PCDHGA6: variants seen among roughly 807,000 people sequenced by gnomAD.
PCDHGA6 encodes protocadherin gamma-A6.
A neutral mutation model predicts 60.6 loss-of-function variants in PCDHGA6; 41 were observed. The ratio of observed to expected loss-of-function variants is 0.68; its 90% CI spans 0.53 to 0.88. PCDHGA6 has a LOEUF of 0.88. Ranked by LOEUF, PCDHGA6 falls within the 40% of genes least tolerant of loss-of-function variation. The pLI, the probability that PCDHGA6 is intolerant of heterozygous loss-of-function variation, is 0.00. For missense variants in PCDHGA6, 1,312 were observed against 1,203.0 expected (o/e 1.09, Z -1.34); for synonymous variants, 594 against 524.4 (o/e 1.13, Z -1.81).
Position 141,374,942 on chromosome 5 carries a change from A to G in PCDHGA6, c.859A>G (p.Lys287Glu), listed in dbSNP as rs758134474. The G allele has an allele frequency of 5.6e-6, 9 of 1,613,926 alleles. No individual in the cohort carries two copies. Among genetic ancestry groups the G allele is most frequent in the Non-Finnish European group, 7.6e-6 (9 of 1,179,910 alleles). The part of the protein sequence containing the change: ...VTYSFVKITE[K>E]ISQIFCLNVL... ...TTATTCCTTTGTGAAGATTACAGAA[A>G]AGATCTCACAAATTTTCTGTTTGAA... Residue 287 changes from lysine (K) to glutamate (E), a missense_variant, in exon 1 of 4, where the codon AAG (lysine) becomes GAG (glutamate). Physicochemically the swap from Lys to Glu is moderately conservative, Grantham distance 56. Coordinates refer to ENST00000517434, the MANE Select transcript of PCDHGA6 (RefSeq NM_018919.3).
chr5:141,442,227 T>G (rs953690152), intron 1 of PCDHGA6: 16 of 153,240 alleles, frequency 1.0e-4, no homozygotes, highest in African/African-American at 3.6e-4. Context: ...TTAATTTCCT[T>G]TTTATTCTTC....
chr5:141,396,274 C>G (rs2093362401), intron 1 of PCDHGA6: 2 of 152,252 alleles, frequency 1.3e-5, no homozygotes, highest in African/African-American at 2.4e-5. Flanking sequence ...GAGCTATGAT[C>G]ATGCCACTGC....
intron 1 of PCDHGA6, among the ~76,000 whole-genome samples, chr5:141,406,273 G>C (rs1366399912): frequency 6.6e-6 from 1 of 151,898 alleles, no homozygotes; most frequent in Non-Finnish European, 1.5e-5. Context: ...TCCTGCTTCA[G>C]TTTCCCAAAG....
chr5:141,385,205 T>A, intron 1 of PCDHGA6: 1 of 1,614,228 alleles, frequency 6.2e-7, no homozygotes, highest in Non-Finnish European at 8.5e-7. Flanking sequence ...AGTCACCTGA[T>A]CTTCCCCCAG....
At chr5:141,394,371 T>C (rs753598001) in intron 1 of PCDHGA6, 5 of 1,614,056 alleles carry the variant, frequency 3.1e-6, no homozygotes, top group Non-Finnish European at 4.2e-6. Context: ...GCTGCAATCT[T>C]TCGACTATGA....
In PCDHGA6 at chr5:141,476,235, A is replaced by G; in HGVS notation, c.2425-18572A>G. ...GTCATTCACTATGAGATCCCGGAGG[A>G]AAGAGAGAAGGGTTTCGCTGTGGGC... is the stretch of plus-strand genomic sequence containing the variant. On this transcript the variant is annotated intron_variant, in intron 1 of 3. Coordinates refer to ENST00000517434, the MANE Select transcript of PCDHGA6 (RefSeq NM_018919.3). The surrounding 1 kb of genome is among the most constrained non-coding windows in gnomAD (Gnocchi z 7.6). 2 of 1,613,844 alleles carry G rather than the reference A, an allele frequency of 1.2e-6. No homozygotes were observed. Among genetic ancestry groups the G allele is most frequent in the Admixed American group, 1.7e-5 (1 of 59,990 alleles).
Position 141,431,335 on chromosome 5 carries a change from C to G in PCDHGA6, c.2424+54828C>G, listed in dbSNP as rs747132346. On this transcript the variant is annotated intron_variant, in intron 1 of 3. Transcript: ENST00000517434. The surrounding 1 kb of genome is among the most constrained non-coding windows in gnomAD (Gnocchi z 4.8). ...ATGGAGCCGACGGTAGTAAGTACCC[C>G]GAATTGGTGCTGAAACGCGCCCTGG... 2 of 1,614,062 alleles carry G rather than the reference C, an allele frequency of 1.2e-6. No homozygotes were observed. Among genetic ancestry groups the G allele is most frequent in the Non-Finnish European group, 1.7e-6 (2 of 1,180,022 alleles).
intron 1 of PCDHGA6, chr5:141,393,148 A>AT: frequency 6.2e-7 from 1 of 1,613,332 alleles, no homozygotes; most frequent in Non-Finnish European, 8.5e-7. Context: ...CTGGTTGAGG[A>AT]TAAAGGAAAA....
At position 141,375,433 on chromosome 5, in the gene PCDHGA6, C is replaced by T; in HGVS notation, c.1350C>T (p.Pro450=). Reference sequence around the variant, plus strand: ...TGGCAGACACCAACGACAACCCGCCCACCTTCCCCCATTCATCCTACTCAG... The same window carrying T: ...TGGCAGACACCAACGACAACCCGCCTACCTTCCCCCATTCATCCTACTCAG... The part of the protein sequence containing the change: ...LNVADTNDNP[P]TFPHSSYSVY... The change falls in exon 1 of 4, where the codon CCC becomes CCT. Residue 450 remains proline (P), a synonymous_variant. Coordinates refer to ENST00000517434, the MANE Select transcript of PCDHGA6 (RefSeq NM_018919.3). 6.2e-7 allele frequency: 1 copy of T among 1,614,016 alleles called. No individual in the cohort carries two copies. Among genetic ancestry groups the T allele is most frequent in the African/African-American group, 1.3e-5 (1 of 75,052 alleles).
intron 3 of PCDHGA6, among the ~76,000 whole-genome samples, chr5:141,510,468 A>G (rs1246106107): frequency 2.0e-5 from 3 of 152,152 alleles, no homozygotes; most frequent in Admixed American, 2.0e-4. Flanking sequence ...TGTGGGAGTC[A>G]GAGGCTCCCT....
intron 1 of PCDHGA6, chr5:141,384,387 C>A (rs774707320): frequency 6.2e-7 from 1 of 1,613,950 alleles, no homozygotes; most frequent in Admixed American, 1.7e-5. Context: ...AAGACACCAT[C>A]CAGGGGGCTC....
At chr5:141,407,958 A>C (rs1018466165) in intron 1 of PCDHGA6, 1 of 660,632 alleles carries the variant, frequency 1.5e-6, no homozygotes, top group African/African-American at 1.8e-5. Context: ...GCCAGTGCAG[A>C]GCAAGCGCTG....
intron 1 of PCDHGA6, chr5:141,393,689 C>G (rs2150535299): frequency 6.2e-7 from 1 of 1,613,890 alleles, no homozygotes; most frequent in Middle Eastern, 1.7e-4. Context: ...CTCCGTTATT[C>G]CAGCTTAATG....
At chr5:141,403,770 T>A in intron 1 of PCDHGA6, 1 of 1,613,894 alleles carries the variant, frequency 6.2e-7, no homozygotes, top group Non-Finnish European at 8.5e-7. Flanking sequence ...GATGAGGGAA[T>A]CAACGGAAAA....
chr5:141,422,074 C>T (rs886758924), intron 1 of PCDHGA6: 8 of 1,612,146 alleles, frequency 5.0e-6, no homozygotes, highest in African/African-American at 4.0e-5. Context: ...GTATTCATTT[C>T]GGAACATGGA....
At chr5:141,492,068 G>A in intron 1 of PCDHGA6, 1 of 479,628 alleles carries the variant, frequency 2.1e-6, no homozygotes, top group Non-Finnish European at 3.7e-6. Flanking sequence ...AGCCTCCTAG[G>A]CGCCGGCTCC....
intron 3 of PCDHGA6, among the ~76,000 whole-genome samples, chr5:141,506,861 G>A (rs2099856791): frequency 6.6e-6 from 1 of 152,178 alleles, no homozygotes; most frequent in African/African-American, 2.4e-5. Context: ...TGGAGGACTG[G>A]TGGGTAGAGA....
Position 141,489,898 on chromosome 5 carries a change from C to T in PCDHGA6, c.2425-4909C>T. On this transcript the variant is annotated intron_variant, in intron 1 of 3. Transcript: ENST00000517434. The surrounding 1 kb of genome is among the most constrained non-coding windows in gnomAD (Gnocchi z 4.5). ...GCTTACTGCTGTGGATGGGGGGACC[C>T]CAGCCCGCTCAGGGACCACCCTTAT... 6.2e-7 allele frequency: 1 copy of T among 1,614,216 alleles called. No homozygotes were observed. Among genetic ancestry groups the T allele is most frequent in the Non-Finnish European group, 8.5e-7 (1 of 1,180,036 alleles).
chr5:141,491,648 T>C lies in PCDHGA6; in HGVS notation c.2425-3159T>C. ...GTTCAGCAGCCCACAGCTCTGGCGC[T>C]GGAGCCTGACGCCATCCGGTCCCGC... On this transcript the variant is annotated intron_variant, in intron 1 of 3. Transcript: ENST00000517434. The surrounding 1 kb of genome is among the most constrained non-coding windows in gnomAD (Gnocchi z 6.9). 2 of 1,613,834 alleles carry C rather than the reference T, an allele frequency of 1.2e-6. No individual in the cohort carries two copies. Among genetic ancestry groups the C allele is most frequent in the South Asian group, 1.1e-5 (1 of 91,082 alleles).
Sources: gnomAD v4.1 joint callset for allele counts (sites outside exome capture counted in the v4.1 genomes callset) on GRCh38, gnomAD v4.1.1 for gene constraint, Gnocchi (gnomAD v3.1) non-coding constraint, MANE v1.5 for transcripts, NCBI Gene and HGNC (gene_info 2026-07-23, HGNC 2026-07-21) for gene names.